Variants in VWA3B observed in about 807,000 individuals in gnomAD.
VWA3B encodes the protein von Willebrand factor A domain-containing protein 3B.
VWA3B carries 138 observed loss-of-function variants against 158.3 expected under a neutral mutation model. That is an observed-to-expected ratio of 0.87 (90% CI 0.76 to 1.00). VWA3B has a LOEUF of 1.00. Among genes scored for constraint, VWA3B ranks in the 50% least tolerant of loss-of-function variants. The pLI is 0.00. For missense variants in VWA3B, 1,555 were observed against 1,565.1 expected (o/e 0.99, Z 0.11); for synonymous variants, 596 against 587.3 (o/e 1.01, Z -0.21).
chr2:98,207,915 C>G (rs752898393), intron 12 of VWA3B, among the ~76,000 whole-genome samples: 1 of 152,084 alleles, frequency 6.6e-6, no homozygotes, highest in Non-Finnish European at 1.5e-5. Flanking sequence ...GAATGGTGTA[C>G]TGAAGACCCC....
At position 98,221,658 on chromosome 2, in the gene VWA3B, G is replaced by C. The variant is rs146456385; in HGVS notation, c.2019+3630G>C. ...AAGCTCATTCTCCTTCTGGAAGCAGGTGGTGCTTACATTCTCCTACTAGAG... is the reference window on the plus strand; with the variant it reads ...AAGCTCATTCTCCTTCTGGAAGCAGCTGGTGCTTACATTCTCCTACTAGAG... On this transcript the variant is annotated intron_variant, in intron 14 of 27. Coordinates refer to ENST00000477737, the MANE Select transcript of VWA3B (RefSeq NM_144992.5). 3.6e-4 allele frequency among the ~76,000 whole-genome samples: 55 copies of C among 152,324 alleles called. 1 individual carries two copies. Among genetic ancestry groups the C allele is most frequent in the African/African-American group, 1.3e-3 (52 of 41,580 alleles).
chr2:98,235,565 A>G (rs1025900470), intron 17 of VWA3B, among the ~76,000 whole-genome samples: 5 of 151,990 alleles, frequency 3.3e-5, no homozygotes, highest in Admixed American at 2.0e-4. Context: ...AGCTGGGATT[A>G]CAGGCAGCCG....
intron 5 of VWA3B, among the ~76,000 whole-genome samples, chr2:98,124,113 T>G (rs1167871372): frequency 6.6e-6 from 1 of 152,232 alleles, no homozygotes; most frequent in Non-Finnish European, 1.5e-5. Flanking sequence ...CTGGCCACAT[T>G]AATCCATGAC....
intron 12 of VWA3B, among the ~76,000 whole-genome samples, chr2:98,195,248 G>T (rs767622046): frequency 6.6e-6 from 1 of 152,172 alleles, no homozygotes; most frequent in Non-Finnish European, 1.5e-5. Context: ...AGCAACTTGA[G>T]ACCAGCCTGG....
rs954931800 is a variant in VWA3B at position 98,125,757 on chromosome 2, A to G, written c.703-2482A>G. Among the ~76,000 whole-genome samples, 49 of 151,912 alleles carry G rather than the reference A, an allele frequency of 3.2e-4. No individual in the cohort carries two copies. Among genetic ancestry groups the G allele is most frequent in the African/African-American group, 1.1e-3 (45 of 41,344 alleles). On this transcript the variant is annotated intron_variant, in intron 5 of 27. Coordinates refer to ENST00000477737, the MANE Select transcript of VWA3B (RefSeq NM_144992.5). This position sits in a 1 kb window ranked among gnomAD's most constrained non-coding sequence, Gnocchi z 4.1. ...CGGCTCACTGCAAGCTCCGCCTCCC[A>G]GGTTCACGCCATTCTCCTGCCTCAG...
chr2:98,193,839 C>T (rs897149110), intron 11 of VWA3B, among the ~76,000 whole-genome samples: 70 of 152,250 alleles, frequency 4.6e-4, no homozygotes, highest in African/African-American at 1.6e-3. Context: ...CCGCCCGCCT[C>T]GGCCTCCCAA....
At chr2:98,189,983 G>A (rs973554545) in intron 10 of VWA3B, among the ~76,000 whole-genome samples, 3 of 151,932 alleles carry the variant, frequency 2.0e-5, no homozygotes, top group African/African-American at 4.8e-5. Context: ...TTATATATGA[G>A]CATTGTTTTA....
At position 98,248,857 on chromosome 2, in the gene VWA3B, TTCTTTCTTTCTTTCTTTCTTTCTTTCTC is replaced by T. The variant is rs1299109892; in HGVS notation, c.2674-1454_2674-1427del. Reference sequence around the variant, plus strand: ...TTTCTTTCTTTCTTTCTTTCTTTCTTTCTTTCTTTCTTTCTTTCTTTCTTTCTCTCTTTCCTTTCTTTCTTCTTTCTTT... The same window carrying T: ...TTTCTTTCTTTCTTTCTTTCTTTCTTTCTTTCCTTTCTTTCTTCTTTCTTT... On this transcript the variant is annotated intron_variant, in intron 19 of 27. Transcript: ENST00000477737. Among the ~76,000 whole-genome samples the T allele has an allele frequency of 1.1e-3, 28 of 24,542 alleles. 1 individual carries two copies. The highest frequency in any genetic ancestry group is 7.7e-3 in the African/African-American group (15 of 1,954). 16.1% of individuals were successfully genotyped at this position (24,542 alleles called of 152,430 possible).
chr2:98,188,050 G>A lies in VWA3B; in HGVS notation c.1387G>A (p.Val463Ile). 1 of 1,614,036 alleles carries A rather than the reference G, an allele frequency of 6.2e-7. No individual in the cohort carries two copies. The highest frequency in any genetic ancestry group is 1.1e-5 in the South Asian group (1 of 91,048). Residue 463 changes from valine to isoleucine, a missense_variant, in exon 10 of 28, where the codon GTC (valine) becomes ATC (isoleucine). By Grantham distance (29) the Val-to-Ile change is conservative (BLOSUM62 3). Coordinates refer to ENST00000477737, the MANE Select transcript of VWA3B (RefSeq NM_144992.5). Reference sequence around the variant, plus strand: ...TGCTCCCTGGAAGGATGGGAGCTTGGTCCACGTCAACATTACCAAAGAGAA... The same window carrying A: ...TGCTCCCTGGAAGGATGGGAGCTTGATCCACGTCAACATTACCAAAGAGAA... ...VHAPWKDGSL[V>I]HVNITKEKCK...
At chr2:98,161,094 T>C (rs1480283644) in intron 7 of VWA3B, among the ~76,000 whole-genome samples, 1 of 152,200 alleles carries the variant, frequency 6.6e-6, no homozygotes, top group Non-Finnish European at 1.5e-5. Context: ...GAGGGTGGTC[T>C]CTCATCATCT....
At chr2:98,135,330 T>TC (rs1559562175) in intron 7 of VWA3B, among the ~76,000 whole-genome samples, 4 of 116,336 alleles carry the variant, frequency 3.4e-5, no homozygotes, top group African/African-American at 3.8e-5. Context: ...TTTTTCTTTT[T>TC]TTTTTTTTTT....
Position 98,268,360 on chromosome 2 carries a change from A to T in VWA3B, c.2844-2322A>T, listed in dbSNP as rs1041034650. The stretch of plus-strand genomic sequence containing the variant: ...ATCCACCATGATCAAGTGGGCTTCA[A>T]CCCTGGGATGCAAGGCTGGTTCAAT... On this transcript the variant is annotated intron_variant, in intron 21 of 27. Coordinates refer to ENST00000477737, the MANE Select transcript of VWA3B (RefSeq NM_144992.5). 9.9e-5 allele frequency among the ~76,000 whole-genome samples: 15 copies of T among 152,054 alleles called. 1 individual carries two copies. Among genetic ancestry groups the T allele is most frequent in the African/African-American group, 3.1e-4 (13 of 41,390 alleles).
chr2:98,203,409 T>C (rs556228492), intron 12 of VWA3B, among the ~76,000 whole-genome samples: 1 of 152,348 alleles, frequency 6.6e-6, no homozygotes, highest in African/African-American at 2.4e-5. Context: ...TTTTGGCTAT[T>C]CTTGGGCCTT....
In VWA3B at chr2:98,118,079, A is replaced by G. The variant is rs555817021; in HGVS notation, c.292-1434A>G. On this transcript the variant is annotated intron_variant, in intron 3 of 27. Coordinates refer to ENST00000477737, the MANE Select transcript of VWA3B (RefSeq NM_144992.5). ...TAAACTAAGCCTGGTCCTAAGCAAT[A>G]CTATCTGTGGAATCTTCAGTTTGAT... Among the ~76,000 whole-genome samples the G allele has an allele frequency of 5.9e-5, 9 of 152,288 alleles. No homozygotes were observed. In the South Asian group the frequency reaches 1.7e-3, roughly 28 times the overall value.
chr2:98,160,752 C>G (rs1305790840), intron 7 of VWA3B, among the ~76,000 whole-genome samples: 1 of 152,206 alleles, frequency 6.6e-6, no homozygotes, highest in Admixed American at 6.5e-5. Context: ...TTGGCAGCAG[C>G]CTGTGTTATT....
intron 3 of VWA3B, among the ~76,000 whole-genome samples, chr2:98,118,812 G>C (rs922317904): frequency 1.3e-5 from 2 of 152,182 alleles, no homozygotes; most frequent in African/African-American, 4.8e-5. Flanking sequence ...ATTTTTTCTT[G>C]TTCCTTGTCT....
At chr2:98,144,092 G>T (rs11683060) in intron 7 of VWA3B, among the ~76,000 whole-genome samples, 1 of 151,564 alleles carries the variant, frequency 6.6e-6, no homozygotes, top group Non-Finnish European at 1.5e-5. Flanking sequence ...TAGGTTGTTA[G>T]GAATATATCT....
At chr2:98,128,502 A>T (rs1398728821) in intron 6 of VWA3B, 94 bp downstream of exon 6, 2 of 1,314,538 alleles carry the variant, frequency 1.5e-6, no homozygotes, top group Non-Finnish European at 2.1e-6. Flanking sequence ...GCTTTAACCA[A>T]TCTGTTGCTG....
At chr2:98,249,611 T>C (rs2105797555) in intron 19 of VWA3B, among the ~76,000 whole-genome samples, 1 of 152,200 alleles carries the variant, frequency 6.6e-6, no homozygotes, top group Middle Eastern at 3.4e-3. Flanking sequence ...TTTACCATCT[T>C]TTCCCCCCGG....
Sources: gnomAD v4.1 joint callset for allele counts (sites outside exome capture counted in the v4.1 genomes callset) on GRCh38, gnomAD v4.1.1 for gene constraint, Gnocchi (gnomAD v3.1) non-coding constraint, MANE v1.5 for transcripts, NCBI Gene and HGNC (gene_info 2026-07-23, HGNC 2026-07-21) for gene names.